Variants in ANKRD29 observed in about 807,000 individuals in gnomAD.
The protein encoded by ANKRD29 is ankyrin repeat domain 29, also known as ankyrin repeat domain-containing protein 29.
In ANKRD29, 32 loss-of-function variants were observed where a neutral mutation model predicts 38.0. The observed-to-expected ratio is 0.84, with a 90% CI of 0.64 to 1.13. ANKRD29 has a LOEUF of 1.13. Among genes scored for constraint, ANKRD29 ranks in the 50% most tolerant of loss-of-function variants. The pLI is 0.00. For synonymous variants in ANKRD29, 135 were observed against 152.4 expected (o/e 0.89, Z 0.84); for missense variants, 357 against 377.9 (o/e 0.94, Z 0.46).
In ANKRD29 at chr18:23,644,055, C is replaced by G. The variant is rs2060109794; in HGVS notation, c.231+2134G>C. The stretch of plus-strand genomic sequence containing the variant: ...CTGCCAGGAACTTACATAGCACCAT[C>G]ATTTGAGCCACGCAGGTTACCTTTA... On this transcript the variant is annotated intron_variant, in intron 3 of 9. Transcript: ENST00000592179. Among the ~76,000 whole-genome samples the G allele has an allele frequency of 3.3e-5, 5 of 152,222 alleles. No homozygotes were observed. In the South Asian group the frequency reaches 1.0e-3, roughly 31 times the overall value.
intron 4 of ANKRD29, among the ~76,000 whole-genome samples, chr18:23,635,747 G>GT (rs2059994582): frequency 1.3e-5 from 2 of 152,240 alleles, no homozygotes; most frequent in Non-Finnish European, 2.9e-5. Context: ...GACCAGTCAT[G>GT]TGGGTTGATT....
chr18:23,633,665 G>T (rs2059962421), intron 5 of ANKRD29, among the ~76,000 whole-genome samples: 1 of 152,006 alleles, frequency 6.6e-6, no homozygotes, highest in South Asian at 2.1e-4. Flanking sequence ...TCACCTCCTG[G>T]GTTCAAGCGA....
intron 5 of ANKRD29, among the ~76,000 whole-genome samples, chr18:23,630,844 T>C (rs2059921902): frequency 6.7e-6 from 1 of 150,280 alleles, no homozygotes. Context: ...CATGTGCTTA[T>C]AGTCCCAGCT....
At chr18:23,654,246 C>T (rs1420427616) in intron 1 of ANKRD29, among the ~76,000 whole-genome samples, 1 of 150,364 alleles carries the variant, frequency 6.7e-6, no homozygotes, top group East Asian at 2.0e-4. Context: ...AGCCTGGTGA[C>T]AGAGCGAGAC....
Position 23,617,832 on chromosome 18 carries a change from A to G in ANKRD29, c.628-5T>C. 1.2e-6 allele frequency: 2 copies of G among 1,612,326 alleles called. No individual in the cohort carries two copies. Among genetic ancestry groups the G allele is most frequent in the South Asian group, 2.2e-5 (2 of 91,026 alleles). ...CAATAATGCTGTTGTGCCATCCTTA[A>G]CAGAAAGAGGAAAATAAAAGTTGAT... On this transcript the variant is annotated splice_polypyrimidine_tract_variant and splice_region_variant and intron_variant, in intron 7 of 9. Coordinates refer to ENST00000592179, the MANE Select transcript of ANKRD29 (RefSeq NM_173505.4).
At chr18:23,620,599 G>C (rs1462049225) in intron 6 of ANKRD29, among the ~76,000 whole-genome samples, 2 of 152,172 alleles carry the variant, frequency 1.3e-5, no homozygotes, top group Admixed American at 1.3e-4. Flanking sequence ...AATCTCGCGT[G>C]TGTTGTGGGG....
chr18:23,659,577 T>C (rs780713219), intron 1 of ANKRD29, among the ~76,000 whole-genome samples: 14 of 151,890 alleles, frequency 9.2e-5, no homozygotes, highest in Non-Finnish European at 1.6e-4. Flanking sequence ...ACCCGGTCTC[T>C]ACTAAAAATA....
Position 23,601,102 on chromosome 18 carries a change from C to G in ANKRD29, c.*124G>C. On this transcript the variant is annotated 3_prime_UTR_variant, in exon 10 of 10. Coordinates refer to ENST00000592179, the MANE Select transcript of ANKRD29 (RefSeq NM_173505.4). ...GCGTAGCTCTTCTTTGTCAGGGACC[C>G]ACAGGATGGGCATTCTGGGCATCTT... 1.2e-6 allele frequency: 1 copy of G among 824,610 alleles called. No individual in the cohort carries two copies. The highest frequency in any genetic ancestry group is 2.7e-5 in the East Asian group (1 of 36,732). 51.1% of individuals were successfully genotyped at this position (824,610 alleles called of 1,614,324 possible). A position where few individuals can be genotyped will look rare whatever the true frequency, so the allele number is the denominator to read the frequency against.
chr18:23,624,765 A>G (rs114148409), intron 6 of ANKRD29, among the ~76,000 whole-genome samples: 148 of 152,298 alleles, frequency 9.7e-4, no homozygotes, highest in African/African-American at 3.4e-3. Flanking sequence ...GCTGATTATC[A>G]TAGAAAGGAT....
intron 8 of ANKRD29, 89 bp from the exon 9 acceptor site, chr18:23,612,279 G>T: frequency 8.5e-7 from 1 of 1,174,630 alleles, no homozygotes; most frequent in South Asian, 1.4e-5. Flanking sequence ...TGGGTGATAA[G>T]ACTGTAACCT....
At chr18:23,645,262 T>C (rs2060123858) in intron 3 of ANKRD29, among the ~76,000 whole-genome samples, 1 of 152,130 alleles carries the variant, frequency 6.6e-6, no homozygotes, top group African/African-American at 2.4e-5. Context: ...TGGAAATATA[T>C]GGATGGAGCT....
Position 23,599,873 on chromosome 18 carries a change from A to G in ANKRD29, c.*1353T>C, listed in dbSNP as rs1409413482. 6.6e-6 allele frequency: 1 copy of G among 152,258 alleles called. No homozygotes were observed. Among genetic ancestry groups the G allele is most frequent in the Non-Finnish European group, 1.5e-5 (1 of 68,050 alleles). The allele number at this position is 152,258 out of a possible 1,614,324, so 9.4% of individuals were successfully genotyped here. A position where few individuals can be genotyped will look rare whatever the true frequency, so the allele number is the denominator to read the frequency against. On this transcript the variant is annotated 3_prime_UTR_variant, in exon 10 of 10. Transcript: ENST00000592179. ...ATTATATTCTATTATTTACTGAATT[A>G]AAGATAATCCTTTTAGTAACTCTGA...
chr18:23,647,335 C>A (rs982649368), intron 2 of ANKRD29: 1 of 152,156 alleles, frequency 6.6e-6, no homozygotes, highest in African/African-American at 2.4e-5. Flanking sequence ...GGTAGATATT[C>A]GTTCAGTAAG....
At chr18:23,616,601 A>G (rs1568013914) in intron 8 of ANKRD29, among the ~76,000 whole-genome samples, 37 of 142,650 alleles carry the variant, frequency 2.6e-4, no homozygotes, top group African/African-American at 9.6e-4. Flanking sequence ...TATACTATAT[A>G]TACTATATAT....
chr18:23,617,199 A>G (rs528284663), intron 8 of ANKRD29, among the ~76,000 whole-genome samples: 7 of 152,358 alleles, frequency 4.6e-5, no homozygotes, highest in African/African-American at 1.7e-4. Flanking sequence ...TCTGGGCTAC[A>G]AAGGGAGACT....
In ANKRD29 at chr18:23,638,923, C is replaced by G. The variant is rs1322697677; in HGVS notation, c.256G>C (p.Ala86Pro). Residue 86 changes from alanine (A) to proline (P), a missense_variant, in exon 4 of 10, where the codon GCC becomes CCC. By Grantham distance (27) the Ala-to-Pro change is conservative. Transcript: ENST00000592179. ...RESGTTALFF[A>P]AQQGHNDVVR... ...ACATCATTATGGCCTTGCTGGGCGGCAAAGAATAGGGCAGTTGTACCTGAC... is the reference window on the plus strand; with the variant it reads ...ACATCATTATGGCCTTGCTGGGCGGGAAAGAATAGGGCAGTTGTACCTGAC... The G allele has an allele frequency of 1.2e-6, 2 of 1,612,458 alleles. No homozygotes were observed. The highest frequency in any genetic ancestry group is 2.2e-5 in the South Asian group (2 of 90,658).
At chr18:23,653,673 C>A (rs902299989) in intron 1 of ANKRD29, among the ~76,000 whole-genome samples, 26 of 152,028 alleles carry the variant, frequency 1.7e-4, no homozygotes, top group African/African-American at 6.3e-4. Flanking sequence ...GTTGCCCAGG[C>A]TGGAGTGCAG....
intron 2 of ANKRD29, 85 bp from the exon 3 acceptor site, chr18:23,646,372 G>T (rs1038199256): frequency 2.4e-6 from 3 of 1,238,798 alleles, no homozygotes; most frequent in Non-Finnish European, 3.5e-6. Context: ...AGAGATGTCA[G>T]CTCCACTCAG....
At chr18:23,627,053 T>C (rs771095761) in intron 6 of ANKRD29, among the ~76,000 whole-genome samples, 2 of 152,206 alleles carry the variant, frequency 1.3e-5, no homozygotes, top group Admixed American at 6.5e-5. Context: ...AGGTAGGCCA[T>C]GTGCAGGCCA....
Sources: gnomAD v4.1 joint callset for allele counts (sites outside exome capture counted in the v4.1 genomes callset) on GRCh38, gnomAD v4.1.1 for gene constraint, MANE v1.5 for transcripts, NCBI Gene and HGNC (gene_info 2026-07-23, HGNC 2026-07-21) for gene names.